Variants in FRMD4A observed in about 807,000 individuals in gnomAD.
The protein encoded by FRMD4A is FERM domain-containing protein 4A.
In FRMD4A, 29 loss-of-function variants were observed where a neutral mutation model predicts 129.1. The observed-to-expected ratio is 0.22, with a 90% CI of 0.17 to 0.31. The LOEUF (loss-of-function observed/expected upper bound fraction) is 0.31, where lower values mean the gene tolerates loss of function less well. FRMD4A is among the 10% of genes least tolerant of loss of function. The pLI is 1.00. For missense variants in FRMD4A, 1,272 were observed against 1,375.8 expected (o/e 0.92, Z 1.19); for synonymous variants, 634 against 571.6 (o/e 1.11, Z -1.56).
At chr10:14,057,308 AAG>A in intron 2 of FRMD4A, among the ~76,000 whole-genome samples, 1 of 152,322 alleles carries the variant, frequency 6.6e-6, no homozygotes. Context: ...AAAGCAATAA[AAG>A]AGAGACTTCC....
chr10:13,853,842 A>C (rs1488196578), intron 3 of FRMD4A, among the ~76,000 whole-genome samples: 1 of 151,378 alleles, frequency 6.6e-6, no homozygotes, highest in African/African-American at 2.4e-5. Flanking sequence ...AAAAAAAAAA[A>C]AAAAAAAAAA....
chr10:13,914,507 G>A (rs1033479252), intron 2 of FRMD4A, among the ~76,000 whole-genome samples: 9 of 152,042 alleles, frequency 5.9e-5, no homozygotes, highest in African/African-American at 1.9e-4. Context: ...GTGAACCACA[G>A]GCCTTTTATT....
chr10:13,674,358 T>C (rs1434158340), intron 16 of FRMD4A, among the ~76,000 whole-genome samples: 1 of 152,182 alleles, frequency 6.6e-6, no homozygotes. Context: ...TGAACCACCA[T>C]GCAAGTATGA....
chr10:13,923,162 T>C (rs1208661252), intron 2 of FRMD4A, among the ~76,000 whole-genome samples: 2 of 152,292 alleles, frequency 1.3e-5, no homozygotes, highest in Non-Finnish European at 2.9e-5. Flanking sequence ...CAGGGCAATG[T>C]TATTCAAAAA....
At position 13,666,134 on chromosome 10, in the gene FRMD4A, C is replaced by T; in HGVS notation, c.1566G>A (p.Gly522=). ...NAINENRIKS[G]KKPTQRASLI... is the part of the protein sequence containing the mutation. The stretch of plus-strand genomic sequence containing the variant: ...GCGAAGCCCTCTGGGTGGGTTTCTT[C>T]CCAGACTTGATGCGGTTCTCATTGA... The change falls in exon 18 of 25, where the codon GGG becomes GGA. Residue 522 remains glycine (G), a synonymous_variant. Transcript: ENST00000357447. The T allele has an allele frequency of 6.2e-7, 1 of 1,613,448 alleles. No homozygotes were observed.
chr10:13,915,604 G>A (rs531975676), intron 2 of FRMD4A, among the ~76,000 whole-genome samples: 26 of 151,634 alleles, frequency 1.7e-4, no homozygotes, highest in South Asian at 1.7e-3. Context: ...CCTGGGAGGC[G>A]GAGCTTGCAG....
At chr10:13,914,254 G>A (rs920628623) in intron 2 of FRMD4A, among the ~76,000 whole-genome samples, 13 of 152,160 alleles carry the variant, frequency 8.5e-5, no homozygotes, top group African/African-American at 2.2e-4. Flanking sequence ...AGATGAAAAC[G>A]TATACTCTTA....
At chr10:13,669,057 G>GATTTTTT (rs541360128) in intron 17 of FRMD4A, among the ~76,000 whole-genome samples, 3 of 97,460 alleles carry the variant, frequency 3.1e-5, no homozygotes, top group Non-Finnish European at 4.0e-5. Context: ...CTGAGCTTTA[G>GATTTTTT]TTTTTTTTTT....
intron 2 of FRMD4A, among the ~76,000 whole-genome samples, chr10:13,864,377 A>G (rs1015744069): frequency 6.6e-6 from 1 of 150,850 alleles, no homozygotes; most frequent in African/African-American, 2.4e-5. Flanking sequence ...AGAAAACCAA[A>G]TATGTCTTAC....
intron 16 of FRMD4A, among the ~76,000 whole-genome samples, chr10:13,673,445 A>G (rs1328785872): frequency 2.0e-5 from 3 of 151,878 alleles, no homozygotes; most frequent in Non-Finnish European, 4.4e-5. Context: ...TACTTTGGGA[A>G]CCTCTTTTGA....
At chr10:13,739,226 A>G (rs1217782821) in intron 11 of FRMD4A, among the ~76,000 whole-genome samples, 2 of 152,218 alleles carry the variant, frequency 1.3e-5, no homozygotes, top group Non-Finnish European at 2.9e-5. Flanking sequence ...GCTTCTGGGT[A>G]TATGATTTCT....
intron 12 of FRMD4A, among the ~76,000 whole-genome samples, chr10:13,715,405 T>C (rs573114390): frequency 1.3e-5 from 2 of 152,334 alleles, no homozygotes; most frequent in Admixed American, 6.5e-5. Flanking sequence ...GGAGACAATA[T>C]AGAATAGCAT....
At chr10:14,182,248 AAG>A (rs1841937335) in intron 2 of FRMD4A, among the ~76,000 whole-genome samples, 1 of 152,336 alleles carries the variant, frequency 6.6e-6, no homozygotes, top group East Asian at 1.9e-4. Flanking sequence ...TGTTTTTAAA[AAG>A]AGAGAGAGAT....
chr10:13,843,514 T>C (rs79083584), intron 3 of FRMD4A, among the ~76,000 whole-genome samples: 1,530 of 152,244 alleles, frequency 0.01, 53 homozygotes, highest in South Asian at 0.059. Context: ...GCTTTTGTTT[T>C]GGAGATATAG....
intron 2 of FRMD4A, among the ~76,000 whole-genome samples, chr10:14,170,481 T>C (rs577340495): frequency 7.3e-4 from 111 of 152,284 alleles, no homozygotes; most frequent in Non-Finnish European, 1.3e-3. Context: ...GTATCTGAAG[T>C]ACAGCGCAGG....
intron 2 of FRMD4A, among the ~76,000 whole-genome samples, chr10:14,110,458 G>T (rs1451498708): frequency 6.6e-6 from 1 of 152,172 alleles, no homozygotes; most frequent in Non-Finnish European, 1.5e-5. Flanking sequence ...TTTATAAATT[G>T]TAAGTGATCT....
chr10:14,075,154 A>G (rs1163836028), intron 2 of FRMD4A, among the ~76,000 whole-genome samples: 1 of 152,232 alleles, frequency 6.6e-6, no homozygotes, highest in Non-Finnish European at 1.5e-5. Context: ...TTAAGTTACA[A>G]TCACATTTAC....
At position 14,229,164 on chromosome 10, in the gene FRMD4A, C is replaced by A. The variant is rs994112876; in HGVS notation, c.45+100894G>T. ...TTTGAATGGTGGGAGGGGAAGAGAC[C>A]CTGAACTCATTTCCAGGATAAGACA... On this transcript the variant is annotated intron_variant, in intron 2 of 24. Transcript: ENST00000357447. 4.0e-5 allele frequency among the ~76,000 whole-genome samples: 6 copies of A among 151,342 alleles called. No homozygotes were observed. The South Asian group carries it at 6.3e-4, about 16-fold the overall frequency.
chr10:13,908,734 T>A (rs1374547985), intron 2 of FRMD4A, among the ~76,000 whole-genome samples: 2 of 152,190 alleles, frequency 1.3e-5, no homozygotes, highest in East Asian at 3.8e-4. Flanking sequence ...TCCACTTAAT[T>A]TGCTCCCTCT....
Sources: allele counts gnomAD v4.1 joint callset (sites outside exome capture counted in the v4.1 genomes callset), GRCh38; gene constraint gnomAD v4.1.1; transcripts MANE v1.5; gene names NCBI Gene and HGNC (gene_info 2026-07-23, HGNC 2026-07-21).